The following RP1 variants were observed in gnomAD, a reference collection of about 807,000 sequenced individuals.
RP1 encodes RP1 axonemal microtubule associated, also known as oxygen-regulated protein 1.
A neutral mutation model predicts 14.8 loss-of-function variants in RP1; 16 were observed. The observed-to-expected ratio is 1.08, with a 90% CI of 0.73 to 1.65. RP1 has a LOEUF of 1.65. RP1 is among the 40% of genes most tolerant of loss of function. The pLI is 0.00. For synonymous variants in RP1, 876 were observed against 883.6 expected (o/e 0.99, Z 0.15); for missense variants, 2,631 against 2,535.0 (o/e 1.04, Z -0.81).
chr8:54,753,760 C>A (rs763894572), intron 19 of RP1, among the ~76,000 whole-genome samples: 1 of 152,016 alleles, frequency 6.6e-6, no homozygotes, highest in Non-Finnish European at 1.5e-5. Flanking sequence ...GTGCAGTGTG[C>A]AAAATGATCA....
chr8:54,832,259 A>G (rs1366366900), intron 24 of RP1, among the ~76,000 whole-genome samples: 1 of 151,604 alleles, frequency 6.6e-6, no homozygotes, highest in African/African-American at 2.4e-5. Flanking sequence ...TTTTCCTTCC[A>G]GGAGTCTAAT....
At chr8:54,693,195 T>G (rs200788426) in intron 12 of RP1, among the ~76,000 whole-genome samples, 13 of 152,086 alleles carry the variant, frequency 8.5e-5, no homozygotes, top group Admixed American at 2.6e-4. Flanking sequence ...TTTGGTACCA[T>G]TACCATGCCG....
intron 27 of RP1, among the ~76,000 whole-genome samples, chr8:54,864,566 T>G (rs1393925382): frequency 6.6e-6 from 1 of 152,204 alleles, no homozygotes; most frequent in Non-Finnish European, 1.5e-5. Flanking sequence ...GTCATAATTT[T>G]TCCCTGTTGA....
intron 12 of RP1, among the ~76,000 whole-genome samples, chr8:54,692,256 G>C (rs1323074471): frequency 6.6e-6 from 1 of 150,430 alleles, no homozygotes; most frequent in Non-Finnish European, 1.5e-5. Context: ...TTGCTATTGT[G>C]AATAGTGCAA....
In RP1 at chr8:54,628,045, T is replaced by A. The variant is rs1478654573; in HGVS notation, c.4163T>A (p.Val1388Glu). Reference sequence around the variant, plus strand: ...TATAAAAATGGATTTAATACATTGGTGTCACATCAAAATGTCAGTAATTTA... The same window carrying A: ...TATAAAAATGGATTTAATACATTGGAGTCACATCAAAATGTCAGTAATTTA... ...PEYKNGFNTLVSHQNVSNLSS... is the reference protein window; with the variant it reads ...PEYKNGFNTLESHQNVSNLSS... Residue 1388 changes from valine to glutamate, a missense_variant, in exon 4 of 4, where the codon GTG becomes GAG. By Grantham distance (121) the Val-to-Glu change is moderately radical (BLOSUM62 -2). Coordinates refer to ENST00000220676, the MANE Select transcript of RP1 (RefSeq NM_006269.2). The A allele has an allele frequency of 6.2e-7, 1 of 1,614,070 alleles. No homozygotes were observed. Among genetic ancestry groups the A allele is most frequent in the Non-Finnish European group, 8.5e-7 (1 of 1,179,956 alleles).
At chr8:54,800,319 TG>T (rs750767812) in intron 24 of RP1, among the ~76,000 whole-genome samples, 2 of 151,870 alleles carry the variant, frequency 1.3e-5, no homozygotes, top group South Asian at 2.1e-4. Context: ...CTGTGTGTGT[TG>T]GGGGGGTGTG....
intron 8 of RP1, among the ~76,000 whole-genome samples, chr8:54,676,593 G>A (rs555773915): frequency 5.9e-5 from 9 of 152,274 alleles, no homozygotes; most frequent in Middle Eastern, 3.4e-3. Flanking sequence ...CGGTTAATAA[G>A]ACTTTTCTAG....
intron 3 of RP1, among the ~76,000 whole-genome samples, chr8:54,645,704 T>A (rs1469850398): frequency 1.3e-5 from 2 of 152,228 alleles, no homozygotes; most frequent in Admixed American, 6.5e-5. Context: ...ATGCTTCTCA[T>A]ACAATGAGTT....
intron 4 of RP1, among the ~76,000 whole-genome samples, chr8:54,651,504 T>C (rs1352865797): frequency 2.0e-5 from 3 of 152,124 alleles, no homozygotes; most frequent in African/African-American, 7.2e-5. Flanking sequence ...GTCTGTGTGT[T>C]TCTATAGATT....
chr8:54,855,266 C>T (rs955129634), intron 26 of RP1, among the ~76,000 whole-genome samples: 2 of 152,218 alleles, frequency 1.3e-5, no homozygotes, highest in African/African-American at 4.8e-5. Flanking sequence ...AGTAGTATTC[C>T]ATTGTATTGT....
intron 25 of RP1, among the ~76,000 whole-genome samples, chr8:54,844,938 A>G (rs1811878967): frequency 6.6e-6 from 1 of 152,148 alleles, no homozygotes; most frequent in African/African-American, 2.4e-5. Flanking sequence ...GAGCTCCTCT[A>G]GCCCACTGTC....
At chr8:54,635,583 G>T (rs1272852054), downstream of RP1, among the ~76,000 whole-genome samples, 1 of 152,058 alleles carries the variant, frequency 6.6e-6, no homozygotes, top group Non-Finnish European at 1.5e-5. Context: ...TAATGTAGTT[G>T]CTGCCTCAGC....
At chr8:54,714,810 G>A (rs1408791319) in intron 15 of RP1, among the ~76,000 whole-genome samples, 5 of 152,206 alleles carry the variant, frequency 3.3e-5, no homozygotes, top group Admixed American at 3.3e-4. Context: ...TGACTTTGTT[G>A]TAGATCACAG....
chr8:54,812,778 T>TATCTATCTATC (rs1554535892), intron 24 of RP1, among the ~76,000 whole-genome samples: 6 of 148,294 alleles, frequency 4.0e-5, no homozygotes, highest in Middle Eastern at 3.4e-3. Context: ...TCTATCTATC[T>TATCTATCTATC]ATCTATCTAT....
intron 13 of RP1, among the ~76,000 whole-genome samples, chr8:54,700,304 G>A (rs1807980860): frequency 6.6e-6 from 1 of 151,794 alleles, no homozygotes; most frequent in Non-Finnish European, 1.5e-5. Context: ...GAATTCCTGG[G>A]CTCAAGCATT....
At chr8:54,715,759 G>T (rs886086470) in intron 15 of RP1, among the ~76,000 whole-genome samples, 5 of 152,182 alleles carry the variant, frequency 3.3e-5, no homozygotes, top group African/African-American at 1.2e-4. Flanking sequence ...TTAGTAAAAA[G>T]AAATTTAGAG....
intron 24 of RP1, among the ~76,000 whole-genome samples, chr8:54,830,727 C>T (rs893581497): frequency 2.0e-5 from 3 of 152,092 alleles, no homozygotes; most frequent in African/African-American, 7.2e-5. Context: ...TACAATTAAC[C>T]GTTTTGAAAC....
At chr8:54,710,775 C>T (rs1424263839) in intron 15 of RP1, among the ~76,000 whole-genome samples, 1 of 152,184 alleles carries the variant, frequency 6.6e-6, no homozygotes, top group Non-Finnish European at 1.5e-5. Context: ...CCCTGATGTC[C>T]AGCTGCTTAT....
chr8:54,727,562 G>A (rs1199442878), intron 17 of RP1, among the ~76,000 whole-genome samples: 1 of 151,986 alleles, frequency 6.6e-6, no homozygotes, highest in Non-Finnish European at 1.5e-5. Context: ...TTTTTTAAAT[G>A]TTACCATTAT....
Sources: gnomAD v4.1 joint callset for allele counts (sites outside exome capture counted in the v4.1 genomes callset) on GRCh38, gnomAD v4.1.1 for gene constraint, MANE v1.5 for transcripts, NCBI Gene and HGNC (gene_info 2026-07-23, HGNC 2026-07-21) for gene names.